The following KSR2 variants were observed in gnomAD, a reference collection of about 807,000 sequenced individuals.
KSR2 encodes the protein kinase suppressor of ras 2.
In KSR2, 25 loss-of-function variants were observed where a neutral mutation model predicts 107.8. The observed-to-expected ratio is 0.23, with a 90% CI of 0.17 to 0.32. The LOEUF is 0.32. Ranked by LOEUF, KSR2 falls within the 10% of genes least tolerant of loss-of-function variation. KSR2 has a pLI of 1.00. For missense variants in KSR2, 887 were observed against 1,268.9 expected, an observed-to-expected ratio of 0.70 and a Z score of 4.57; for synonymous variants, 480 against 507.0, an observed-to-expected ratio of 0.95 and a Z score of 0.71.
intron 5 of KSR2, among the ~76,000 whole-genome samples, chr12:117,628,166 G>C (rs1882620201): frequency 6.6e-6 from 1 of 152,006 alleles, no homozygotes. Flanking sequence ...TTAGCTCAGA[G>C]TTTATTACTG....
At chr12:117,524,403 G>A (rs1333126164) in intron 14 of KSR2, among the ~76,000 whole-genome samples, 1 of 152,090 alleles carries the variant, frequency 6.6e-6, no homozygotes, top group Non-Finnish European at 1.5e-5. Flanking sequence ...GTAGCTTACA[G>A]GCCTGTAATC....
At chr12:117,549,836 G>A (rs1877166294) in intron 9 of KSR2, among the ~76,000 whole-genome samples, 1 of 151,822 alleles carries the variant, frequency 6.6e-6, no homozygotes, top group South Asian at 2.1e-4. Context: ...AGGGAAAGAG[G>A]GAGAGAAGGA....
intron 4 of KSR2, among the ~76,000 whole-genome samples, chr12:117,742,727 A>C (rs1414811240): frequency 1.3e-5 from 2 of 152,258 alleles, no homozygotes; most frequent in Non-Finnish European, 2.9e-5. Context: ...TAGAGGTTCC[A>C]GACTTTTCCC....
intron 4 of KSR2, among the ~76,000 whole-genome samples, chr12:117,706,830 T>A (rs1724804219): frequency 6.6e-6 from 1 of 152,142 alleles, no homozygotes; most frequent in Admixed American, 6.6e-5. Context: ...ATACTGTCTA[T>A]AACAATAAAA....
At chr12:117,758,222 T>G (rs1328115802) in intron 4 of KSR2, among the ~76,000 whole-genome samples, 1 of 152,208 alleles carries the variant, frequency 6.6e-6, no homozygotes, top group African/African-American at 2.4e-5. Context: ...AAATGATGAC[T>G]GTTGTTATCA....
At chr12:117,518,268 G>A (rs1408994112) in intron 14 of KSR2, among the ~76,000 whole-genome samples, 1 of 152,110 alleles carries the variant, frequency 6.6e-6, no homozygotes, top group Non-Finnish European at 1.5e-5. Flanking sequence ...TGGGGGGCAT[G>A]GGGAAATCCA....
At chr12:117,787,701 G>C in intron 3 of KSR2, among the ~76,000 whole-genome samples, 1 of 152,138 alleles carries the variant, frequency 6.6e-6, no homozygotes, top group East Asian at 1.9e-4. Context: ...GAGTGGAAGG[G>C]TAAGTAAACC....
chr12:117,733,789 G>A (rs1471258646), intron 4 of KSR2, among the ~76,000 whole-genome samples: 1 of 150,788 alleles, frequency 6.6e-6, no homozygotes, highest in Non-Finnish European at 1.5e-5. Context: ...TAGACTCTGA[G>A]CTCCTTACAA....
rs890952544 is a variant in KSR2, at chr12:117,453,043, G to A, written c.*14156C>T. The A allele has an allele frequency of 1.3e-5, 2 of 152,574 alleles. No individual in the cohort carries two copies. Among genetic ancestry groups the A allele is most frequent in the Non-Finnish European group, 2.9e-5 (2 of 68,034 alleles). 9.5% of individuals were successfully genotyped at this position (152,574 alleles called of 1,614,324 possible). On this transcript the variant is annotated 3_prime_UTR_variant, in exon 20 of 20. Transcript: ENST00000339824. The stretch of plus-strand genomic sequence containing the variant: ...AGAATTCAGACCTGTCTTGGCAGTA[G>A]TGCAATGCAGTAATTCTCAAATTTT...
intron 5 of KSR2, among the ~76,000 whole-genome samples, chr12:117,594,425 AG>A (rs1880514867): frequency 6.6e-6 from 1 of 152,230 alleles, no homozygotes; most frequent in Non-Finnish European, 1.5e-5. Context: ...TGTAGCTTGC[AG>A]ACATGGTGGG....
chr12:117,873,459 T>G (rs1893719963), intron 1 of KSR2, among the ~76,000 whole-genome samples: 3 of 127,478 alleles, frequency 2.4e-5, no homozygotes, highest in African/African-American at 6.7e-5. Flanking sequence ...ATGTTCATGG[T>G]GCTTTTTTTT....
chr12:117,831,842 T>C (rs1321789686), intron 3 of KSR2, among the ~76,000 whole-genome samples: 2 of 152,224 alleles, frequency 1.3e-5, no homozygotes, highest in Non-Finnish European at 2.9e-5. Context: ...ACTTAATAAA[T>C]GCTGGTTAAA....
intron 4 of KSR2, among the ~76,000 whole-genome samples, chr12:117,680,826 G>GA (rs1454321518): frequency 2.6e-5 from 4 of 151,926 alleles, no homozygotes; most frequent in African/African-American, 4.8e-5. Context: ...ATATTAATTC[G>GA]AAAAAAATGA....
At chr12:117,849,733 A>G (rs1892847453) in intron 3 of KSR2, among the ~76,000 whole-genome samples, 1 of 152,208 alleles carries the variant, frequency 6.6e-6, no homozygotes, top group Admixed American at 6.5e-5. Context: ...AGACACAGAG[A>G]CAGAGACAGA....
intron 3 of KSR2, among the ~76,000 whole-genome samples, chr12:117,794,071 TA>T (rs1890456203): frequency 1.0e-4 from 5 of 48,386 alleles, no homozygotes; most frequent in Non-Finnish European, 1.4e-4. Context: ...CATGCACACA[TA>T]CACCAACATG....
At chr12:117,532,877 C>CA (rs143428551) in intron 10 of KSR2, among the ~76,000 whole-genome samples, 5,663 of 152,202 alleles carry the variant, frequency 0.037, 361 homozygotes, top group African/African-American at 0.13. Flanking sequence ...AATCCACTTT[C>CA]AGAAACAATT....
chr12:117,507,220 T>C (rs1032598292), intron 14 of KSR2, among the ~76,000 whole-genome samples: 22 of 152,314 alleles, frequency 1.4e-4, no homozygotes, highest in Middle Eastern at 3.4e-3. Context: ...AAGCTGAGGA[T>C]CACAGAACCC....
intron 5 of KSR2, among the ~76,000 whole-genome samples, chr12:117,590,103 G>T (rs1216680227): frequency 6.6e-6 from 1 of 152,230 alleles, no homozygotes; most frequent in Non-Finnish European, 1.5e-5. Flanking sequence ...GTTTCCTGGG[G>T]CTCCCATGAC....
chr12:117,612,433 T>C (rs1023579334), intron 5 of KSR2, among the ~76,000 whole-genome samples: 3 of 152,060 alleles, frequency 2.0e-5, no homozygotes, highest in East Asian at 1.9e-4. Flanking sequence ...TCTTATGTTA[T>C]GTATATTTCA....
Sources: gnomAD v4.1 joint callset for allele counts (sites outside exome capture counted in the v4.1 genomes callset) on GRCh38, gnomAD v4.1.1 for gene constraint, MANE v1.5 for transcripts, NCBI Gene and HGNC (gene_info 2026-07-23, HGNC 2026-07-21) for gene names.